Variants in AP2B1 observed in about 807,000 individuals in gnomAD.
The protein encoded by AP2B1 is adaptor related protein complex 2 subunit beta 1, also known as AP-2 complex subunit beta.
In AP2B1, 23 loss-of-function variants were observed where a neutral mutation model predicts 102.0. That is an observed-to-expected ratio of 0.23 (90% CI 0.16 to 0.32). The LOEUF (loss-of-function observed/expected upper bound fraction) is 0.32. Ranked by LOEUF, AP2B1 falls within the 10% of genes least tolerant of loss-of-function variation. The pLI is 1.00. For synonymous variants in AP2B1, 381 were observed against 421.2 expected (o/e 0.90, Z 1.17); for missense variants, 541 against 1,157.4 (o/e 0.47, Z 7.73).
intron 6 of AP2B1, among the ~76,000 whole-genome samples, chr17:35,626,175 A>G (rs1019598227): frequency 6.6e-6 from 1 of 152,146 alleles, no homozygotes; most frequent in Non-Finnish European, 1.5e-5. Context: ...CTTACAATGA[A>G]ATCTTCAGCC....
chr17:35,614,278 G>T (rs1225829534), intron 5 of AP2B1, among the ~76,000 whole-genome samples: 1 of 152,104 alleles, frequency 6.6e-6, no homozygotes, highest in Admixed American at 6.5e-5. Flanking sequence ...GCTCAGTGCA[G>T]CCTCAAACTC....
At chr17:35,723,423 A>C (rs2085460384) in intron 21 of AP2B1, among the ~76,000 whole-genome samples, 1 of 152,254 alleles carries the variant, frequency 6.6e-6, no homozygotes, top group Admixed American at 6.5e-5. Flanking sequence ...ATGGAGGTAG[A>C]AGCACAGCAC....
At chr17:35,648,982 C>G (rs1231148679) in intron 12 of AP2B1, among the ~76,000 whole-genome samples, 1 of 152,072 alleles carries the variant, frequency 6.6e-6, no homozygotes, top group Non-Finnish European at 1.5e-5. Context: ...CAAAACAAGA[C>G]CACCAAATTC....
chr17:35,611,890 T>C (rs191490317), intron 5 of AP2B1, among the ~76,000 whole-genome samples: 8 of 152,218 alleles, frequency 5.3e-5, no homozygotes, highest in African/African-American at 1.9e-4. Context: ...TATCATAATA[T>C]TATAGTAAAC....
chr17:35,616,457 C>T (rs1393839567), intron 5 of AP2B1, among the ~76,000 whole-genome samples: 4 of 152,132 alleles, frequency 2.6e-5, no homozygotes, highest in South Asian at 2.1e-4. Flanking sequence ...CATGAGCCAC[C>T]GCGCCCTGCC....
chr17:35,636,512 C>A, intron 10 of AP2B1, 56 bp downstream of exon 10: 1 of 1,379,760 alleles, frequency 7.2e-7, no homozygotes, highest in Non-Finnish European at 1.0e-6. Flanking sequence ...ATGTTTAAGG[C>A]ACTTTGAAAT....
chr17:35,696,878 C>A (rs995805386), intron 18 of AP2B1, among the ~76,000 whole-genome samples: 1 of 152,142 alleles, frequency 6.6e-6, no homozygotes, highest in African/African-American at 2.4e-5. Context: ...TTTTTCCCAC[C>A]ACTGCTATGT....
chr17:35,641,461 C>T (rs954566185), intron 11 of AP2B1, among the ~76,000 whole-genome samples: 13 of 151,950 alleles, frequency 8.6e-5, no homozygotes, highest in African/African-American at 3.1e-4. Context: ...ACCTGTAGTC[C>T]CAGCTACTTG....
chr17:35,646,152 T>C (rs1281676223), intron 12 of AP2B1, among the ~76,000 whole-genome samples: 1 of 152,216 alleles, frequency 6.6e-6, no homozygotes, highest in Non-Finnish European at 1.5e-5. Flanking sequence ...AAGTATTGTT[T>C]TGGGACCTCT....
intron 18 of AP2B1, among the ~76,000 whole-genome samples, chr17:35,685,698 T>C (rs1263415494): frequency 6.6e-6 from 1 of 152,192 alleles, no homozygotes; most frequent in Non-Finnish European, 1.5e-5. Flanking sequence ...AGAACACTCA[T>C]TAAACTACTT....
chr17:35,725,434 C>T lies in AP2B1; in HGVS notation c.*1735C>T, dbSNP rs2085502325. 1 of 152,218 alleles carries T rather than the reference C, an allele frequency of 6.6e-6. No individual in the cohort carries two copies. The highest frequency in any genetic ancestry group is 6.5e-5 in the Admixed American group (1 of 15,276). 9.4% of individuals were successfully genotyped at this position (152,218 alleles called of 1,614,324 possible). On this transcript the variant is annotated 3_prime_UTR_variant, in exon 22 of 22. Transcript: ENST00000610402. ...ACAAGAGCAAAACTACCCCACACCC[C>T]TATTTCATGTCTGAAATAACCCTGT...
chr17:35,615,403 G>A (rs1307267289), intron 5 of AP2B1, among the ~76,000 whole-genome samples: 4 of 152,142 alleles, frequency 2.6e-5, no homozygotes, highest in Non-Finnish European at 5.9e-5. Context: ...GCACCTTCCG[G>A]TTGTTATAAT....
intron 1 of AP2B1, among the ~76,000 whole-genome samples, chr17:35,589,633 C>T (rs777127528): frequency 6.6e-6 from 1 of 152,196 alleles, no homozygotes; most frequent in Non-Finnish European, 1.5e-5. Flanking sequence ...TGACATCACA[C>T]TCTGGTCGAG....
chr17:35,721,233 A>G (rs1161984656), intron 21 of AP2B1, among the ~76,000 whole-genome samples: 1 of 152,214 alleles, frequency 6.6e-6, no homozygotes, highest in African/African-American at 2.4e-5. Context: ...CACCTGAAAG[A>G]TAACTTGTCC....
intron 6 of AP2B1, among the ~76,000 whole-genome samples, chr17:35,624,840 C>A (rs1314200469): frequency 6.6e-6 from 1 of 152,198 alleles, no homozygotes; most frequent in Non-Finnish European, 1.5e-5. Context: ...TTACGTCTCC[C>A]ATGCACAGTT....
intron 18 of AP2B1, among the ~76,000 whole-genome samples, chr17:35,683,657 G>A (rs1338825473): frequency 2.0e-5 from 3 of 152,174 alleles, no homozygotes; most frequent in East Asian, 3.8e-4. Context: ...AGTTTCCTTT[G>A]AAATATAAAC....
At chr17:35,627,210 C>T (rs1489436531) in intron 7 of AP2B1, among the ~76,000 whole-genome samples, 175 bp from the exon 8 acceptor site, 1 of 132,352 alleles carries the variant, frequency 7.6e-6, no homozygotes, top group South Asian at 2.5e-4. Flanking sequence ...CCAAGTGGAA[C>T]TGATAAGAAT....
intron 4 of AP2B1, 52 bp downstream of exon 4, chr17:35,605,892 C>A: frequency 1.3e-6 from 2 of 1,584,102 alleles, no homozygotes; most frequent in South Asian, 1.2e-5. Context: ...AATAAGTAAC[C>A]TCTGTTCACA....
chr17:35,604,137 T>G (rs759593225), intron 3 of AP2B1, among the ~76,000 whole-genome samples: 13 of 152,202 alleles, frequency 8.5e-5, no homozygotes, highest in Non-Finnish European at 1.5e-4. Flanking sequence ...AGATGGGGTC[T>G]CTCTCTGTTC....
Sources: allele counts gnomAD v4.1 joint callset (sites outside exome capture counted in the v4.1 genomes callset), GRCh38; gene constraint gnomAD v4.1.1; transcripts MANE v1.5; gene names NCBI Gene and HGNC (gene_info 2026-07-23, HGNC 2026-07-21).